The following MYO1D variants were observed in gnomAD, a reference collection of about 807,000 sequenced individuals.
MYO1D encodes myosin ID.
Under a neutral mutation model 122.0 loss-of-function variants are expected in MYO1D, and 83 were observed. That is an observed-to-expected ratio of 0.68 (90% CI 0.57 to 0.82). The LOEUF is 0.82. MYO1D is among the 40% of genes least tolerant of loss of function. The pLI is 0.00. For synonymous variants in MYO1D, 464 were observed against 446.9 expected (o/e 1.04, Z -0.48); for missense variants, 1,157 against 1,269.5 (o/e 0.91, Z 1.35).
chr17:32,696,273 T>C (rs965525763), intron 16 of MYO1D, among the ~76,000 whole-genome samples: 1 of 152,000 alleles, frequency 6.6e-6, no homozygotes, highest in Non-Finnish European at 1.5e-5. Flanking sequence ...TATTAGGAAA[T>C]TAACTGTGAC....
intron 20 of MYO1D, among the ~76,000 whole-genome samples, chr17:32,635,649 C>T (rs550511075): frequency 3.3e-5 from 5 of 151,956 alleles, no homozygotes; most frequent in South Asian, 2.1e-4. Context: ...GCCGAGATGG[C>T]GCCACTGCAC....
intron 20 of MYO1D, among the ~76,000 whole-genome samples, chr17:32,633,103 T>A (rs2088044222): frequency 6.6e-6 from 1 of 151,752 alleles, no homozygotes; most frequent in African/African-American, 2.4e-5. Flanking sequence ...GTATCACACA[T>A]GTGAAGTTCA....
intron 21 of MYO1D, among the ~76,000 whole-genome samples, chr17:32,513,332 G>A (rs1449129726): frequency 6.6e-6 from 1 of 152,184 alleles, no homozygotes; most frequent in African/African-American, 2.4e-5. Flanking sequence ...CTGGAGAGAC[G>A]CTTAGGAGTG....
chr17:32,683,363 T>C (rs1439288239), intron 16 of MYO1D, among the ~76,000 whole-genome samples: 1 of 152,204 alleles, frequency 6.6e-6, no homozygotes, highest in Non-Finnish European at 1.5e-5. Flanking sequence ...TTCTGTTTTT[T>C]CCCCATCTTT....
intron 21 of MYO1D, among the ~76,000 whole-genome samples, chr17:32,536,325 G>A (rs1910664593): frequency 6.6e-6 from 1 of 151,826 alleles, no homozygotes; most frequent in African/African-American, 2.4e-5. Flanking sequence ...ATGAGCCACT[G>A]TGCCTGGCCC....
At chr17:32,699,550 A>G (rs975279666) in intron 16 of MYO1D, among the ~76,000 whole-genome samples, 12 of 152,206 alleles carry the variant, frequency 7.9e-5, no homozygotes, top group Admixed American at 3.3e-4. Context: ...GGGAACAATG[A>G]ACAGAAACTA....
chr17:32,693,130 G>A (rs1378072379), intron 16 of MYO1D, among the ~76,000 whole-genome samples: 37 of 152,138 alleles, frequency 2.4e-4, no homozygotes, highest in Non-Finnish European at 5.9e-5. Context: ...CAGAAGTTTT[G>A]TAATTTAATT....
intron 16 of MYO1D, among the ~76,000 whole-genome samples, chr17:32,700,322 T>C (rs1032298579): frequency 2.0e-5 from 3 of 152,210 alleles, no homozygotes; most frequent in African/African-American, 7.2e-5. Context: ...ACAACAGGGT[T>C]CCTGCTCCTA....
intron 15 of MYO1D, among the ~76,000 whole-genome samples, chr17:32,720,049 A>G (rs970049231): frequency 1.3e-5 from 2 of 152,114 alleles, no homozygotes; most frequent in Admixed American, 6.5e-5. Flanking sequence ...CAACTAATCT[A>G]AAGTATTTTA....
intron 19 of MYO1D, among the ~76,000 whole-genome samples, chr17:32,644,023 G>A (rs537039803): frequency 4.6e-5 from 7 of 152,020 alleles, no homozygotes; most frequent in Admixed American, 1.3e-4. Context: ...GTCAAGTTTA[G>A]ATCTTTCCTG....
intron 1 of MYO1D, among the ~76,000 whole-genome samples, chr17:32,805,641 A>G (rs2090503777): frequency 6.6e-6 from 1 of 151,300 alleles, no homozygotes; most frequent in South Asian, 2.1e-4. Flanking sequence ...TATATAAAAC[A>G]AACATTACTT....
chr17:32,527,020 C>G (rs1032889007), intron 21 of MYO1D, among the ~76,000 whole-genome samples: 2 of 152,208 alleles, frequency 1.3e-5, no homozygotes, highest in Non-Finnish European at 2.9e-5. Context: ...GAACTAACAC[C>G]AAGAGCAGCA....
intron 1 of MYO1D, among the ~76,000 whole-genome samples, chr17:32,817,479 G>A (rs1255836794): frequency 6.6e-6 from 1 of 152,114 alleles, no homozygotes; most frequent in Non-Finnish European, 1.5e-5. Flanking sequence ...CTCATAAAAT[G>A]ACTGCAGTTT....
At chr17:32,530,480 T>C (rs960395670) in intron 21 of MYO1D, among the ~76,000 whole-genome samples, 11 of 152,220 alleles carry the variant, frequency 7.2e-5, no homozygotes, top group African/African-American at 2.7e-4. Flanking sequence ...CAGGACACTC[T>C]GGGACAAGAA....
chr17:32,781,809 A>T (rs1036885685), intron 1 of MYO1D, among the ~76,000 whole-genome samples: 2 of 152,072 alleles, frequency 1.3e-5, no homozygotes, highest in East Asian at 1.9e-4. Context: ...GTGTCTATTT[A>T]AGAAAATTTT....
At chr17:32,632,330 T>A (rs2088019014) in intron 20 of MYO1D, 1 of 152,010 alleles carries the variant, frequency 6.6e-6, no homozygotes, top group Non-Finnish European at 1.5e-5. Flanking sequence ...TGCAAGGCAT[T>A]TTAAAGTTAG....
chr17:32,598,886 AAAG>A (rs2087528862), intron 21 of MYO1D, among the ~76,000 whole-genome samples: 1 of 152,252 alleles, frequency 6.6e-6, no homozygotes, highest in Non-Finnish European at 1.5e-5. Context: ...AGCGGATATT[AAAG>A]AAGAACAAAA....
At chr17:32,748,594 GT>G (rs1344052266) in intron 12 of MYO1D, among the ~76,000 whole-genome samples, 3 of 152,018 alleles carry the variant, frequency 2.0e-5, no homozygotes, top group African/African-American at 4.8e-5. Context: ...TCACTAAACT[GT>G]TGGTTCTTTA....
At chr17:32,678,338 A>G (rs970177104) in intron 16 of MYO1D, among the ~76,000 whole-genome samples, 11 of 151,152 alleles carry the variant, frequency 7.3e-5, no homozygotes, top group Middle Eastern at 3.4e-3. Context: ...TACATGTGCC[A>G]TGCTGGTGCG....
Sources: allele counts gnomAD v4.1 joint callset (sites outside exome capture counted in the v4.1 genomes callset), GRCh38; gene constraint gnomAD v4.1.1; transcripts MANE v1.5; gene names NCBI Gene and HGNC (gene_info 2026-07-23, HGNC 2026-07-21).